The following CACNB2 variants were observed in gnomAD, a reference collection of about 807,000 sequenced individuals.
CACNB2 encodes the protein calcium voltage-gated channel auxiliary subunit beta 2.
CACNB2 carries 42 observed loss-of-function variants against 73.3 expected under a neutral mutation model. The ratio of observed to expected loss-of-function variants is 0.57; its 90% confidence interval spans 0.45 to 0.74. The LOEUF is 0.74. Among genes scored for constraint, CACNB2 ranks in the 30% least tolerant of loss-of-function variants. The pLI, the probability that CACNB2 is intolerant of heterozygous loss-of-function variation, is 0.00. For missense variants in CACNB2, 940 were observed against 853.0 expected, an observed-to-expected ratio of 1.10 and a Z score of -1.27; for synonymous variants, 348 against 310.3, an observed-to-expected ratio of 1.12 and a Z score of -1.28.
At chr10:18,212,925 C>G (rs2035375235) in intron 2 of CACNB2, among the ~76,000 whole-genome samples, 1 of 152,156 alleles carries the variant, frequency 6.6e-6, no homozygotes, top group East Asian at 1.9e-4. Context: ...GATATATGAC[C>G]TCGGATCAAA....
intron 2 of CACNB2, among the ~76,000 whole-genome samples, chr10:18,362,580 C>T (rs2042185439): frequency 1.3e-5 from 2 of 152,084 alleles, no homozygotes; most frequent in Admixed American, 6.5e-5. Flanking sequence ...TGATAACCTG[C>T]GAAGTGGGTG....
chr10:18,197,965 A>G (rs376712170), intron 2 of CACNB2, among the ~76,000 whole-genome samples: 1 of 148,162 alleles, frequency 6.7e-6, no homozygotes. Flanking sequence ...TATAATCAAT[A>G]TACTTAATTA....
intron 3 of CACNB2, among the ~76,000 whole-genome samples, chr10:18,406,299 T>C (rs780011434): frequency 1.3e-5 from 2 of 152,156 alleles, no homozygotes; most frequent in East Asian, 1.9e-4. Context: ...AAAATCCTTC[T>C]TGGAGGAGGT....
intron 3 of CACNB2, among the ~76,000 whole-genome samples, chr10:18,495,584 T>TGTG (rs2049757562): frequency 1.4e-5 from 2 of 138,192 alleles, no homozygotes; most frequent in African/African-American, 5.4e-5. Context: ...TGTGTGTGTG[T>TGTG]GTGTGTGTAT....
At chr10:18,281,583 G>T (rs561617546) in intron 2 of CACNB2, among the ~76,000 whole-genome samples, 1 of 152,224 alleles carries the variant, frequency 6.6e-6, no homozygotes, top group South Asian at 2.1e-4. Context: ...AAATGGTGGG[G>T]TACTGTTTGC....
intron 3 of CACNB2, among the ~76,000 whole-genome samples, chr10:18,484,253 G>A (rs1025545761): frequency 6.6e-6 from 1 of 152,032 alleles, no homozygotes; most frequent in Non-Finnish European, 1.5e-5. Flanking sequence ...AATTAGCCGG[G>A]CGTGGTGGCG....
At chr10:18,248,301 C>T (rs1004881048) in intron 2 of CACNB2, among the ~76,000 whole-genome samples, 39 of 152,186 alleles carry the variant, frequency 2.6e-4, no homozygotes, top group African/African-American at 6.5e-4. Context: ...ATTAAAAATT[C>T]GTATTTCAAT....
chr10:18,280,223 T>G (rs2038482234), intron 2 of CACNB2, among the ~76,000 whole-genome samples: 1 of 144,492 alleles, frequency 6.9e-6, no homozygotes, highest in Non-Finnish European at 1.5e-5. Flanking sequence ...AAATTACATT[T>G]ACAAGAATAA....
intron 3 of CACNB2, among the ~76,000 whole-genome samples, chr10:18,490,853 A>C (rs1448256030): frequency 2.6e-5 from 1 of 38,480 alleles, no homozygotes; most frequent in Non-Finnish European, 7.3e-5. Context: ...CCGGTGGGGG[A>C]GGGGGGAGGG....
intron 3 of CACNB2, among the ~76,000 whole-genome samples, chr10:18,406,240 G>C (rs2044281825): frequency 6.6e-6 from 1 of 152,222 alleles, no homozygotes; most frequent in Admixed American, 6.5e-5. Flanking sequence ...GAGGGATAGA[G>C]AGGTCTGTGA....
chr10:18,419,355 G>GA (rs1426262966), intron 3 of CACNB2, among the ~76,000 whole-genome samples: 2 of 33,608 alleles, frequency 6.0e-5, no homozygotes, highest in Non-Finnish European at 1.2e-4. Context: ...GTGTATGTTA[G>GA]GTAAGACATA....
At chr10:18,210,440 T>C (rs547156784) in intron 2 of CACNB2, among the ~76,000 whole-genome samples, 13 of 152,240 alleles carry the variant, frequency 8.5e-5, no homozygotes, top group South Asian at 2.1e-4. Flanking sequence ...TGGTTTTTTT[T>C]CCCATAGGCC....
Position 18,140,623 on chromosome 10 carries a change from G to T in CACNB2, c.-114G>T, listed in dbSNP as rs568726490. 1.1e-6 allele frequency: 1 copy of T among 883,498 alleles called. No homozygotes were observed. The highest frequency in any genetic ancestry group is 1.7e-6 in the Non-Finnish European group (1 of 579,106). The allele number at this position is 883,498 out of a possible 1,614,324, so 54.7% of individuals were successfully genotyped here. A position where few individuals can be genotyped will look rare whatever the true frequency, so the allele number is the denominator to read the frequency against. ...CGGGGCGCTGCGCCGAGAACGGCCG[G>T]GCCTGAGCCCTGGGCGGCCCCCAGA... On this transcript the variant is annotated 5_prime_UTR_variant, in exon 1 of 14. Coordinates refer to ENST00000324631, the MANE Select transcript of CACNB2 (RefSeq NM_201596.3).
intron 2 of CACNB2, among the ~76,000 whole-genome samples, chr10:18,174,396 C>A (rs1231792069): frequency 6.5e-5 from 7 of 108,296 alleles, no homozygotes; most frequent in Admixed American, 1.0e-4. Context: ...TTCTTTCTTT[C>A]TCTCTTTCTT....
chr10:18,234,871 C>T (rs1588789584), intron 2 of CACNB2, among the ~76,000 whole-genome samples: 1 of 152,278 alleles, frequency 6.6e-6, no homozygotes. Context: ...GGGCCGGGCG[C>T]GGTGACTCAC....
At chr10:18,431,158 G>A (rs748100917) in intron 3 of CACNB2, among the ~76,000 whole-genome samples, 21 of 152,072 alleles carry the variant, frequency 1.4e-4, no homozygotes, top group Admixed American at 1.0e-3. Context: ...ATTTTTAAAT[G>A]TTTTTGTAGC....
At chr10:18,504,995 G>A (rs529876598) in intron 5 of CACNB2, among the ~76,000 whole-genome samples, 7 of 152,086 alleles carry the variant, frequency 4.6e-5, no homozygotes, top group Admixed American at 2.6e-4. Context: ...ACCAGAATCC[G>A]GCAGTCTTTA....
chr10:18,446,525 T>C (rs1329582723), intron 3 of CACNB2, among the ~76,000 whole-genome samples: 2 of 152,158 alleles, frequency 1.3e-5, no homozygotes, highest in African/African-American at 4.8e-5. Flanking sequence ...GACAAATAAC[T>C]GGAGACAAGA....
intron 2 of CACNB2, among the ~76,000 whole-genome samples, chr10:18,176,848 A>G (rs1314954531): frequency 4.6e-5 from 7 of 151,906 alleles, no homozygotes; most frequent in Non-Finnish European, 1.0e-4. Flanking sequence ...AGTTCACTGC[A>G]GTTCGGTGTT....
Sources: gnomAD v4.1 joint callset for allele counts (sites outside exome capture counted in the v4.1 genomes callset) on GRCh38, gnomAD v4.1.1 for gene constraint, MANE v1.5 for transcripts, NCBI Gene and HGNC (gene_info 2026-07-23, HGNC 2026-07-21) for gene names.